Variants in CCDC102B observed in about 807,000 individuals in gnomAD.
CCDC102B encodes coiled-coil domain-containing protein 102B.
In CCDC102B, 75 loss-of-function variants were observed where a neutral mutation model predicts 57.4. That is an observed-to-expected ratio of 1.31 (90% CI 1.08 to 1.58). CCDC102B has a LOEUF of 1.58. Among genes scored for constraint, CCDC102B ranks in the 40% most tolerant of loss-of-function variants. The probability of loss-of-function intolerance (pLI) is 0.00; values close to 1 mark genes in which losing one functional copy is unlikely to be tolerated. For missense variants in CCDC102B, 636 were observed against 582.6 expected, an observed-to-expected ratio of 1.09 and a Z score of -0.94; for synonymous variants, 206 against 201.9, an observed-to-expected ratio of 1.02 and a Z score of -0.17.
At chr18:68,731,639 A>T (rs1040106338) in intron 2 of CCDC102B, among the ~76,000 whole-genome samples, 7 of 151,060 alleles carry the variant, frequency 4.6e-5, no homozygotes, top group Non-Finnish European at 1.0e-4. Flanking sequence ...TATATAATAT[A>T]ATATAAACAA....
chr18:68,736,398 C>T (rs891140315), intron 2 of CCDC102B, among the ~76,000 whole-genome samples: 5 of 152,118 alleles, frequency 3.3e-5, no homozygotes, highest in African/African-American at 1.2e-4. Flanking sequence ...GGTGAATTAA[C>T]GCTGAGTATG....
chr18:68,796,039 G>A (rs2035617760), upstream of CCDC102B, among the ~76,000 whole-genome samples: 1 of 152,138 alleles, frequency 6.6e-6, no homozygotes, highest in South Asian at 2.1e-4. Flanking sequence ...TTATGAAGAA[G>A]GGAGTTGACA....
rs193106525 is a variant in CCDC102B at position 68,861,644 on chromosome 18, A to G, written c.937-13025A>G. 3.2e-3 allele frequency among the ~76,000 whole-genome samples: 489 copies of G among 152,206 alleles called. 3 individuals carry two copies. Among genetic ancestry groups the G allele is most frequent in the Non-Finnish European group, 5.7e-3 (387 of 67,994 alleles). On this transcript the variant is annotated intron_variant, in intron 4 of 7. Coordinates refer to ENST00000360242, the MANE Select transcript of CCDC102B (RefSeq NM_024781.3). Reference sequence around the variant, plus strand: ...CTGACTGTTGAGAACAGGGGTGATTATTACTGGCCTTGTGTGAATCCTAGA... The same window carrying G: ...CTGACTGTTGAGAACAGGGGTGATTGTTACTGGCCTTGTGTGAATCCTAGA...
chr18:68,831,337 A>C (rs2037132835), intron 1 of CCDC102B, among the ~76,000 whole-genome samples: 1 of 152,088 alleles, frequency 6.6e-6, no homozygotes, highest in African/African-American at 2.4e-5. Context: ...AGAGGGAGCA[A>C]TGAAGAGTAA....
chr18:68,938,096 G>A (rs548972204), intron 6 of CCDC102B, among the ~76,000 whole-genome samples: 4 of 152,104 alleles, frequency 2.6e-5, no homozygotes, highest in South Asian at 2.1e-4. Context: ...CAGAAAAAAG[G>A]TCTCAACTCA....
chr18:68,988,457 G>A (rs544877711), intron 6 of CCDC102B, among the ~76,000 whole-genome samples: 6 of 151,828 alleles, frequency 4.0e-5, no homozygotes, highest in East Asian at 1.9e-4. Flanking sequence ...TCACTACTTC[G>A]GTGGTGGTAT....
At chr18:69,049,148 G>A (rs1296773850) in intron 7 of CCDC102B, among the ~76,000 whole-genome samples, 16 of 151,544 alleles carry the variant, frequency 1.1e-4, no homozygotes, top group Non-Finnish European at 5.9e-5. Context: ...CCATCAACCC[G>A]TCATCTACAT....
intron 1 of CCDC102B, among the ~76,000 whole-genome samples, chr18:68,807,965 G>A (rs1011700747): frequency 2.0e-5 from 3 of 152,014 alleles, no homozygotes; most frequent in African/African-American, 4.8e-5. Context: ...AGGGATGAAC[G>A]TTTCACTAGG....
At chr18:68,805,628 G>A (rs1013935233) in intron 1 of CCDC102B, among the ~76,000 whole-genome samples, 1 of 152,134 alleles carries the variant, frequency 6.6e-6, no homozygotes, top group African/African-American at 2.4e-5. Flanking sequence ...GAGTTATGGG[G>A]ACAATAGTAA....
chr18:68,755,019 A>T (rs562621021), intron 2 of CCDC102B: 1 of 152,382 alleles, frequency 6.6e-6, no homozygotes, highest in East Asian at 1.9e-4. Flanking sequence ...AGTCTATGGT[A>T]TTCTGTTATA....
At chr18:68,767,028 A>G (rs1413611266) in intron 2 of CCDC102B, among the ~76,000 whole-genome samples, 2 of 152,218 alleles carry the variant, frequency 1.3e-5, no homozygotes, top group Non-Finnish European at 1.5e-5. Flanking sequence ...GTAAATGCAG[A>G]TTATAAAACT....
chr18:68,818,016 T>C (rs962656078), intron 1 of CCDC102B, among the ~76,000 whole-genome samples: 16 of 152,238 alleles, frequency 1.1e-4, no homozygotes, highest in African/African-American at 2.7e-4. Context: ...ATGTTATATA[T>C]ACACATTTCA....
intron 4 of CCDC102B, chr18:68,858,913 C>G (rs1023617339): frequency 2.0e-5 from 3 of 152,170 alleles, no homozygotes; most frequent in African/African-American, 7.2e-5. Flanking sequence ...TTTGTTTTTC[C>G]TTTTAAAAAT....
intron 6 of CCDC102B, among the ~76,000 whole-genome samples, chr18:68,942,771 C>T (rs1428851309): frequency 1.3e-5 from 2 of 151,754 alleles, no homozygotes; most frequent in Admixed American, 6.6e-5. Context: ...ATCTCAACTG[C>T]AAAGAGGCCT....
intron 7 of CCDC102B, among the ~76,000 whole-genome samples, chr18:69,023,110 G>T (rs1321439459): frequency 6.6e-6 from 1 of 152,078 alleles, no homozygotes; most frequent in Admixed American, 6.5e-5. Flanking sequence ...TTTTGAAATT[G>T]TGCACAAGGT....
chr18:68,917,359 G>T (rs144438645), intron 6 of CCDC102B, among the ~76,000 whole-genome samples: 1 of 152,060 alleles, frequency 6.6e-6, no homozygotes, highest in East Asian at 1.9e-4. Flanking sequence ...TGAGCCTGGG[G>T]AGTAGCTGTG....
chr18:68,835,265 C>G (rs954658746), intron 1 of CCDC102B, among the ~76,000 whole-genome samples: 3 of 152,114 alleles, frequency 2.0e-5, no homozygotes, highest in Admixed American at 1.3e-4. Flanking sequence ...GGCTAAGACT[C>G]TGTGTAGTGT....
intron 6 of CCDC102B, among the ~76,000 whole-genome samples, chr18:68,948,220 T>G (rs1353668766): frequency 6.6e-6 from 1 of 152,090 alleles, no homozygotes; most frequent in Non-Finnish European, 1.5e-5. Context: ...ATTATGAAAA[T>G]AAATTAGAAT....
At chr18:68,752,975 G>A (rs1024159601) in intron 2 of CCDC102B, among the ~76,000 whole-genome samples, 22 of 151,898 alleles carry the variant, frequency 1.4e-4, no homozygotes, top group Non-Finnish European at 5.9e-5. Flanking sequence ...AAACCCTAAC[G>A]AGACTAATTT....
Sources: allele counts gnomAD v4.1 joint callset (sites outside exome capture counted in the v4.1 genomes callset), GRCh38; gene constraint gnomAD v4.1.1; transcripts MANE v1.5; gene names NCBI Gene and HGNC (gene_info 2026-07-23, HGNC 2026-07-21).